STK24: variants seen among roughly 807,000 people sequenced by gnomAD.
STK24 encodes the protein serine/threonine-protein kinase 24.
STK24 carries 21 observed loss-of-function variants against 55.6 expected under a neutral mutation model. The observed-to-expected ratio is 0.38, with a 90% CI of 0.27 to 0.54. STK24 has a LOEUF of 0.54. Among genes scored for constraint, STK24 ranks in the 20% least tolerant of loss-of-function variants. The pLI, the probability that STK24 is intolerant of heterozygous loss-of-function variation, is 0.79. For missense variants in STK24, 383 were observed against 538.4 expected, an observed-to-expected ratio of 0.71 and a Z score of 2.86; for synonymous variants, 200 against 215.2, an observed-to-expected ratio of 0.93 and a Z score of 0.62.
Position 98,496,454 on chromosome 13 carries a change from C to T in STK24, c.274-14133G>A, listed in dbSNP as rs563660287. On this transcript the variant is annotated intron_variant, in intron 2 of 10. Coordinates refer to ENST00000539966, the MANE Select transcript of STK24 (RefSeq NM_001032296.4). ...AAAGAAACAGAAGTCCCCAGCGTCA[C>T]TGGGCCCCGGTGGGCTGTGGCTGCG... is the stretch of plus-strand genomic sequence containing the variant. Among the ~76,000 whole-genome samples the T allele has an allele frequency of 2.6e-5, 4 of 152,342 alleles. No individual in the cohort carries two copies. The South Asian group carries it at 8.3e-4, about 32-fold the overall frequency.
intron 1 of STK24, among the ~76,000 whole-genome samples, chr13:98,547,703 G>A (rs1050050290): frequency 6.6e-6 from 1 of 152,130 alleles, no homozygotes; most frequent in African/African-American, 2.4e-5. Context: ...AAAATCAATA[G>A]CTGTGAAATG....
chr13:98,553,498 T>C (rs1897207505), intron 1 of STK24: 1 of 172,062 alleles, frequency 5.8e-6, no homozygotes. Context: ...AAAAAGTAGC[T>C]CAAGGATTCC....
At chr13:98,566,272 A>C (rs190314666) in intron 1 of STK24, among the ~76,000 whole-genome samples, 10 of 152,388 alleles carry the variant, frequency 6.6e-5, no homozygotes, top group Admixed American at 2.0e-4. Flanking sequence ...AAAAACGCCC[A>C]AAACACCCTC....
chr13:98,467,871 G>T (rs150319898), intron 5 of STK24, among the ~76,000 whole-genome samples: 1 of 152,314 alleles, frequency 6.6e-6, no homozygotes, highest in African/African-American at 2.4e-5. Context: ...GACAGAGGCC[G>T]ACAATGAGGC....
rs529495753 is a variant in STK24 at position 98,449,642 on chromosome 13, G to A, written c.*3531C>T. The stretch of plus-strand genomic sequence containing the variant: ...TGGAAACAAACAGCAACTTGCAAAC[G>A]GACGAAGAGCCTGCCGTGTGTTAAT... On this transcript the variant is annotated 3_prime_UTR_variant, in exon 11 of 11. Transcript: ENST00000539966. The A allele has an allele frequency of 2.0e-5, 3 of 152,540 alleles. No individual in the cohort carries two copies. Among genetic ancestry groups the A allele is most frequent in the Admixed American group, 1.3e-4 (2 of 15,268 alleles). 9.4% of individuals were successfully genotyped at this position (152,540 alleles called of 1,614,324 possible). A position where few individuals can be genotyped will look rare whatever the true frequency, so the allele number is the denominator to read the frequency against.
intron 2 of STK24, 109 bp from the exon 3 acceptor site, chr13:98,482,430 C>T: frequency 1.6e-6 from 1 of 616,294 alleles, no homozygotes; most frequent in South Asian, 2.1e-5. Flanking sequence ...GAAAGTTTTA[C>T]AAACATGTAC....
intron 1 of STK24, among the ~76,000 whole-genome samples, chr13:98,526,752 G>A (rs1165472078): frequency 5.3e-5 from 8 of 152,286 alleles, no homozygotes; most frequent in East Asian, 3.9e-4. Flanking sequence ...GTGAGTGACC[G>A]CTTGTCAGCT....
At chr13:98,475,210 C>G in intron 4 of STK24, 40 bp downstream of exon 4, 1 of 1,555,134 alleles carries the variant, frequency 6.4e-7, no homozygotes, top group African/African-American at 1.4e-5. Context: ...CCACCACCAC[C>G]TTCAGTATTT....
chr13:98,484,875 G>A (rs1023892922), intron 2 of STK24, among the ~76,000 whole-genome samples: 10 of 152,122 alleles, frequency 6.6e-5, no homozygotes, highest in Non-Finnish European at 1.2e-4. Context: ...CAGCCTTCCC[G>A]CTTCCCTCCA....
At chr13:98,539,711 G>A (rs117715729) in intron 1 of STK24, among the ~76,000 whole-genome samples, 7,319 of 152,262 alleles carry the variant, frequency 0.048, 273 homozygotes, top group Non-Finnish European at 0.076. Context: ...TAGGAGAAAT[G>A]GGAACATTAC....
At chr13:98,525,780 A>G (rs1267994928) in intron 1 of STK24, among the ~76,000 whole-genome samples, 1 of 152,220 alleles carries the variant, frequency 6.6e-6, no homozygotes, top group Non-Finnish European at 1.5e-5. Flanking sequence ...ACAATGATAA[A>G]TAATAGTATC....
intron 1 of STK24, among the ~76,000 whole-genome samples, chr13:98,534,310 C>G (rs1184865891): frequency 6.6e-6 from 1 of 152,190 alleles, no homozygotes; most frequent in Non-Finnish European, 1.5e-5. Flanking sequence ...AAAATGATGA[C>G]AGTGAAAGAG....
intron 10 of STK24, chr13:98,456,532 C>A (rs1284170453): frequency 1.9e-6 from 1 of 514,822 alleles, no homozygotes. Flanking sequence ...AGATGGCAGT[C>A]AGGAGGGGCT....
intron 1 of STK24, among the ~76,000 whole-genome samples, chr13:98,564,873 T>C (rs1897524883): frequency 6.6e-6 from 1 of 152,060 alleles, no homozygotes; most frequent in Admixed American, 6.6e-5. Flanking sequence ...GATTCCCATT[T>C]CTAAAAATAA....
In STK24 at chr13:98,446,223, G is replaced by A. The variant is rs140858418; in HGVS notation, c.*6950C>T. On this transcript the variant is annotated 3_prime_UTR_variant, in exon 11 of 11. Transcript: ENST00000539966. The stretch of plus-strand genomic sequence containing the variant: ...CACACCAGGTAAGTGTCTCGCACAG[G>A]GCAGGTGGCCCTGGGACCTTGGGGG... 420 of 1,556,804 alleles carry A rather than the reference G, an allele frequency of 2.7e-4. 1 individual carries two copies. The African/African-American group carries it at 5.0e-3, about 18-fold the overall frequency.
intron 2 of STK24, among the ~76,000 whole-genome samples, chr13:98,491,352 G>T (rs867926087): frequency 6.6e-6 from 1 of 152,212 alleles, no homozygotes; most frequent in South Asian, 2.1e-4. Flanking sequence ...CCCAGGCTTC[G>T]CTCTTCCAGA....
At chr13:98,488,533 CT>C (rs1056114646) in intron 2 of STK24, among the ~76,000 whole-genome samples, 1 of 151,846 alleles carries the variant, frequency 6.6e-6, no homozygotes, top group African/African-American at 2.4e-5. Context: ...GGTTACTGAC[CT>C]TTTTTTTAAA....
In STK24 at chr13:98,554,298, C is replaced by CCTA. The variant is rs556896717; in HGVS notation, c.42+22444_42+22446dup. 2.6e-4 allele frequency among the ~76,000 whole-genome samples: 39 copies of CCTA among 152,266 alleles called. No individual in the cohort carries two copies. In the East Asian group the frequency reaches 3.9e-3, roughly 15 times the overall value. Reference sequence around the variant, plus strand: ...CCATACTTCCCAAAGACATTTAATACCTACTGCTCTTTACAGAACAGAACT... The same window carrying CCTA: ...CCATACTTCCCAAAGACATTTAATACCTACTACTGCTCTTTACAGAACAGAACT... On this transcript the variant is annotated intron_variant, in intron 1 of 10. Coordinates refer to ENST00000539966, the MANE Select transcript of STK24 (RefSeq NM_001032296.4).
intron 2 of STK24, among the ~76,000 whole-genome samples, chr13:98,487,143 C>G (rs1894838397): frequency 6.6e-6 from 1 of 152,246 alleles, no homozygotes; most frequent in African/African-American, 2.4e-5. Context: ...CACCAGAGGC[C>G]TCATGGCAGG....
Sources: gnomAD v4.1 joint callset for allele counts (sites outside exome capture counted in the v4.1 genomes callset) on GRCh38, gnomAD v4.1.1 for gene constraint, MANE v1.5 for transcripts, NCBI Gene and HGNC (gene_info 2026-07-23, HGNC 2026-07-21) for gene names.